ARHGEF28: variants seen among roughly 807,000 people sequenced by gnomAD.
ARHGEF28 encodes Rho guanine nucleotide exchange factor 28.
ARHGEF28 carries 152 observed loss-of-function variants against 206.6 expected under a neutral mutation model. That is an observed-to-expected ratio of 0.74 (90% CI 0.64 to 0.84). ARHGEF28 has a LOEUF of 0.84. Among genes scored for constraint, ARHGEF28 ranks in the 40% least tolerant of loss-of-function variants. The pLI is 0.00. For synonymous variants in ARHGEF28, 763 were observed against 776.4 expected (o/e 0.98, Z 0.29); for missense variants, 2,028 against 2,073.2 (o/e 0.98, Z 0.42).
chr5:73,653,829 C>T (rs1030835996), intron 1 of ARHGEF28, among the ~76,000 whole-genome samples: 11 of 152,336 alleles, frequency 7.2e-5, no homozygotes, highest in South Asian at 2.1e-4. Flanking sequence ...TCTGTTCCCC[C>T]CCGTCATGGC....
intron 6 of ARHGEF28, chr5:73,780,429 A>G (rs1753772194): frequency 4.1e-6 from 2 of 483,722 alleles, no homozygotes; most frequent in Non-Finnish European, 3.8e-6. Context: ...GCTTGGTGTG[A>G]CCTGCAGAAG....
intron 4 of ARHGEF28, among the ~76,000 whole-genome samples, chr5:73,761,628 A>G (rs1216350884): frequency 6.6e-6 from 1 of 152,162 alleles, no homozygotes; most frequent in African/African-American, 2.4e-5. Flanking sequence ...AGAAACCTCA[A>G]AAAATCTTCT....
At chr5:73,883,497 G>A (rs540806791) in intron 23 of ARHGEF28, among the ~76,000 whole-genome samples, 4 of 152,216 alleles carry the variant, frequency 2.6e-5, no homozygotes, top group Non-Finnish European at 4.4e-5. Flanking sequence ...TTCATAAATC[G>A]AGGCACTTAG....
intron 1 of ARHGEF28, among the ~76,000 whole-genome samples, chr5:73,665,837 A>G (rs951287929): frequency 6.6e-6 from 1 of 152,204 alleles, no homozygotes; most frequent in African/African-American, 2.4e-5. Flanking sequence ...TCTGGAGGAC[A>G]CATTCAAACC....
At chr5:73,848,607 A>G (rs2973569) in intron 12 of ARHGEF28, among the ~76,000 whole-genome samples, 89,574 of 143,966 alleles carry the variant, frequency 0.62, 27,979 homozygotes, top group African/African-American at 0.82. Flanking sequence ...GAATTTTGTT[A>G]GAGGGCTACA....
intron 1 of ARHGEF28, among the ~76,000 whole-genome samples, chr5:73,666,881 T>C (rs138895472): frequency 1.3e-3 from 200 of 152,324 alleles, no homozygotes; most frequent in African/African-American, 4.3e-3. Context: ...ACAGTTGAGC[T>C]TCATGTCCCT....
chr5:73,690,481 C>T (rs1747743903), intron 2 of ARHGEF28, among the ~76,000 whole-genome samples: 2 of 148,356 alleles, frequency 1.3e-5, no homozygotes, highest in South Asian at 2.1e-4. Flanking sequence ...GCTGCTTAGT[C>T]CTCCCTAGAT....
chr5:73,901,035 C>T, intron 30 of ARHGEF28, 149 bp from the exon 31 acceptor site: 1 of 621,068 alleles, frequency 1.6e-6, no homozygotes, highest in East Asian at 3.1e-5. Flanking sequence ...TGCGCTCATC[C>T]AAGCACCTCA....
At chr5:73,685,925 T>C (rs183038715) in intron 2 of ARHGEF28, among the ~76,000 whole-genome samples, 1 of 152,220 alleles carries the variant, frequency 6.6e-6, no homozygotes, top group East Asian at 1.9e-4. Context: ...CCGGCTGGAA[T>C]TGGAACAAAT....
chr5:73,824,838 A>G (rs950714192), intron 9 of ARHGEF28, among the ~76,000 whole-genome samples: 3 of 152,088 alleles, frequency 2.0e-5, no homozygotes, highest in African/African-American at 7.3e-5. Flanking sequence ...GTTGCACAGT[A>G]CCTGGTGATC....
intron 2 of ARHGEF28, among the ~76,000 whole-genome samples, chr5:73,700,264 A>G (rs953255793): frequency 3.3e-5 from 5 of 152,164 alleles, no homozygotes; most frequent in African/African-American, 1.2e-4. Flanking sequence ...TGTGTTTTTA[A>G]ATGAAAAATA....
At chr5:73,731,748 C>T (rs1750635979) in intron 2 of ARHGEF28, among the ~76,000 whole-genome samples, 1 of 152,138 alleles carries the variant, frequency 6.6e-6, no homozygotes, top group Non-Finnish European at 1.5e-5. Flanking sequence ...TTAATATAAT[C>T]TACAGTGTCA....
intron 2 of ARHGEF28, among the ~76,000 whole-genome samples, chr5:73,735,029 A>G (rs1750827911): frequency 6.6e-6 from 1 of 152,066 alleles, no homozygotes; most frequent in Non-Finnish European, 1.5e-5. Flanking sequence ...GAGGGTACTG[A>G]TGCTGCGCTG....
At position 73,890,782 on chromosome 5, in the gene ARHGEF28, C is replaced by G. The variant is rs189420505; in HGVS notation, c.3388-1270C>G. 1.4e-4 allele frequency among the ~76,000 whole-genome samples: 22 copies of G among 152,340 alleles called. No homozygotes were observed. In the East Asian group the frequency reaches 3.9e-3, roughly 27 times the overall value. On this transcript the variant is annotated intron_variant, in intron 26 of 35. Coordinates refer to ENST00000513042, the MANE Select transcript of ARHGEF28 (RefSeq NM_001177693.2). ...CATGATGGTGAAGCAAAACCACACA[C>G]TGCAACCAGCTCTGTAAACACTGGT...
chr5:73,833,639 T>C (rs1757431718), intron 10 of ARHGEF28, among the ~76,000 whole-genome samples: 1 of 152,168 alleles, frequency 6.6e-6, no homozygotes, highest in Non-Finnish European at 1.5e-5. Context: ...AGACACAGGA[T>C]GTGTTAGTCC....
chr5:73,641,957 T>G (rs912617446), intron 1 of ARHGEF28, among the ~76,000 whole-genome samples: 15 of 152,236 alleles, frequency 9.9e-5, no homozygotes, highest in African/African-American at 3.6e-4. Context: ...ATTCCTGCTT[T>G]GCAGATAAGG....
intron 1 of ARHGEF28, among the ~76,000 whole-genome samples, chr5:73,646,554 A>G (rs1299847655): frequency 6.6e-6 from 1 of 152,124 alleles, no homozygotes; most frequent in Admixed American, 6.5e-5. Context: ...CACTGTACAC[A>G]TCATGTGGGT....
chr5:73,696,956 C>A (rs867585497), intron 2 of ARHGEF28, among the ~76,000 whole-genome samples: 5 of 152,050 alleles, frequency 3.3e-5, no homozygotes, highest in Admixed American at 6.5e-5. Context: ...TCCAGCTGCA[C>A]GAAGAGATAG....
chr5:73,645,172 T>C (rs191010793), intron 1 of ARHGEF28, among the ~76,000 whole-genome samples: 18 of 150,228 alleles, frequency 1.2e-4, no homozygotes, highest in African/African-American at 4.4e-4. Flanking sequence ...AATTATTAAG[T>C]TGTTTGTTTG....
Sources: allele counts gnomAD v4.1 joint callset (sites outside exome capture counted in the v4.1 genomes callset), GRCh38; gene constraint gnomAD v4.1.1; transcripts MANE v1.5; gene names NCBI Gene and HGNC (gene_info 2026-07-23, HGNC 2026-07-21).